EPHB4: variants seen among roughly 807,000 people sequenced by gnomAD.
EPHB4 encodes EPH receptor B4.
In EPHB4, 50 loss-of-function variants were observed where a neutral mutation model predicts 110.6. The ratio of observed to expected loss-of-function variants is 0.45; its 90% CI spans 0.36 to 0.57. The LOEUF (loss-of-function observed/expected upper bound fraction) is 0.57, where lower values mean the gene tolerates loss of function less well. Ranked by LOEUF, EPHB4 falls within the 20% of genes least tolerant of loss-of-function variation. EPHB4 has a pLI of 0.00. For missense variants in EPHB4, 1,128 were observed against 1,382.1 expected (o/e 0.82, Z 2.91); for synonymous variants, 592 against 578.4 (o/e 1.02, Z -0.34).
At chr7:100,818,449 CA>C in intron 7 of EPHB4, 70 bp downstream of exon 7, 4 of 1,573,540 alleles carry the variant, frequency 2.5e-6, no homozygotes, top group Non-Finnish European at 3.5e-6. Flanking sequence ...CAGGTGCCTG[CA>C]ACCCAGGTGT....
At chr7:100,808,095 G>C (rs1305034670) in intron 12 of EPHB4, among the ~76,000 whole-genome samples, 1 of 152,168 alleles carries the variant, frequency 6.6e-6, no homozygotes, top group East Asian at 1.9e-4. Context: ...AATGGTTCCT[G>C]CTTCAATGGT....
At position 100,822,696 on chromosome 7, in the gene EPHB4, C is replaced by G. The variant is rs1409926902; in HGVS notation, c.412-29G>C. The G allele has an allele frequency of 6.6e-7, 1 of 1,510,528 alleles. No homozygotes were observed. The highest frequency in any genetic ancestry group is 1.3e-5 in the South Asian group (1 of 77,670). The allele number at this position is 1,510,528 out of a possible 1,614,324, so 93.6% of individuals were successfully genotyped here. A position where few individuals can be genotyped will look rare whatever the true frequency, so the allele number is the denominator to read the frequency against. On this transcript the variant is annotated intron_variant, in intron 3 of 16. Coordinates refer to ENST00000358173, the MANE Select transcript of EPHB4 (RefSeq NM_004444.5). This position sits in a 1 kb window ranked among gnomAD's most constrained non-coding sequence, Gnocchi z 4.7. ...CCGGCGGGGGGGAGGCACACCGCTG[C>G]TGTCCCCACTCCCTGAGGACCCAGC...
At chr7:100,820,006 T>C in intron 5 of EPHB4, 117 bp from the exon 6 acceptor site, 2 of 1,478,806 alleles carry the variant, frequency 1.4e-6, no homozygotes, top group Non-Finnish European at 1.8e-6. Flanking sequence ...GGGCTCCACA[T>C]GTTCCTCCGG....
Position 100,822,223 on chromosome 7 carries a change from ACTCTCCCCCGGAT to A in EPHB4, c.808+35_808+47del. 6.6e-7 allele frequency: 1 copy of A among 1,526,188 alleles called. No individual in the cohort carries two copies. Among genetic ancestry groups the A allele is most frequent in the East Asian group, 2.5e-5 (1 of 40,688 alleles). 94.5% of individuals were successfully genotyped at this position (1,526,188 alleles called of 1,614,324 possible). A position where few individuals can be genotyped will look rare whatever the true frequency, so the allele number is the denominator to read the frequency against. ...AAGTGGGTCCTGAGTGGAGTTCAGG[ACTCTCCCCCGGAT>A]GAGCAGCAGTCGCAGGGGAAGCTCC... On this transcript the variant is annotated intron_variant, in intron 4 of 16. Coordinates refer to ENST00000358173, the MANE Select transcript of EPHB4 (RefSeq NM_004444.5). This position sits in a 1 kb window ranked among gnomAD's most constrained non-coding sequence, Gnocchi z 4.7.
At chr7:100,811,863 C>CT (rs898791142) in intron 12 of EPHB4, among the ~76,000 whole-genome samples, 1 of 148,562 alleles carries the variant, frequency 6.7e-6, no homozygotes, top group African/African-American at 2.5e-5. Context: ...GAGTGAGACT[C>CT]TGTCTTAAAA....
At chr7:100,809,213 T>A (rs1407504956) in intron 12 of EPHB4, among the ~76,000 whole-genome samples, 5 of 152,118 alleles carry the variant, frequency 3.3e-5, no homozygotes, top group Non-Finnish European at 7.4e-5. Context: ...TTCAAGCGAT[T>A]CTCCTGTCTT....
At position 100,813,306 on chromosome 7, in the gene EPHB4, G is replaced by GTTTT. The variant is rs750195537; in HGVS notation, c.1757-102_1757-99dup. 5.7e-3 allele frequency: 2,171 copies of GTTTT among 383,792 alleles called. 1 individual carries two copies. The highest frequency in any genetic ancestry group is 0.026 in the East Asian group (449 of 17,196). The allele number at this position is 383,792 out of a possible 1,614,324, so 23.8% of individuals were successfully genotyped here. ...TTAGCCCCAAACCCCTGTCTCCGTG[G>GTTTT]TTTTTTTTTTTTTTTTTTTTTTTCC... On this transcript the variant is annotated intron_variant, in intron 10 of 16. Transcript: ENST00000358173.
At chr7:100,805,804 C>A (rs1443365076) in intron 14 of EPHB4, 110 bp from the exon 15 acceptor site, 5 of 1,107,424 alleles carry the variant, frequency 4.5e-6, no homozygotes, top group East Asian at 2.9e-5. Flanking sequence ...CCACAGCCCC[C>A]CAAAAAATAA....
chr7:100,803,586 G>T lies in EPHB4; in HGVS notation c.2839C>A (p.Leu947Met), dbSNP rs758969373. 6.2e-7 allele frequency: 1 copy of T among 1,602,102 alleles called. No individual in the cohort carries two copies. The highest frequency in any genetic ancestry group is 1.7e-5 in the Admixed American group (1 of 59,250). Residue 947 changes from leucine to methionine, a missense_variant, in exon 17 of 17, where the codon CTG becomes ATG. Physicochemically the swap from Leu to Met is conservative, Grantham distance 15. This residue lies in a region of EPHB4 where 209 missense variants were observed against 240.5 expected (regional missense o/e 0.87). Coordinates refer to ENST00000358173, the MANE Select transcript of EPHB4 (RefSeq NM_004444.5). ...GCCAGAGTGACTCCGATTCGGAGCA[G>T]GTCCCTGCAGAAGGAAAGGAGAGCT... Reference protein sequence around the residue: ...ELVSQISAEDLLRIGVTLAGH... With the variant: ...ELVSQISAEDMLRIGVTLAGH...
Position 100,812,910 on chromosome 7 carries a change from C to T in EPHB4, c.1955G>A (p.Gly652Asp). ...SCVAIKTLKG[G>D]YTERQRREFL... ...CTCACGCCGCTGCCGCTCCGTGTAG[C>T]CACCCTTCAGGGTCTTGATTGCCAC... Residue 652 changes from glycine to aspartate, a missense_variant, in exon 12 of 17, where the codon GGC becomes GAC. Gly to Asp is a moderately conservative substitution (Grantham distance 94). Transcript: ENST00000358173. 1.2e-6 allele frequency: 2 copies of T among 1,614,254 alleles called. 1 individual carries two copies. The highest frequency in any genetic ancestry group is 2.2e-5 in the South Asian group (2 of 91,086).
intron 7 of EPHB4, among the ~76,000 whole-genome samples, chr7:100,818,021 C>T (rs183231426): frequency 0.017 from 2,534 of 151,780 alleles, 63 homozygotes; most frequent in African/African-American, 0.059. Context: ...CGCCTGCCAC[C>T]GCGCCTGGCT....
intron 1 of EPHB4, 112 bp downstream of exon 1, chr7:100,826,866 TG>T: frequency 8.3e-7 from 1 of 1,208,606 alleles, no homozygotes; most frequent in Non-Finnish European, 1.1e-6. Flanking sequence ...TGTTTGGGAC[TG>T]CAGTGCCCGG....
At chr7:100,817,429 C>T (rs1005332541) in intron 7 of EPHB4, 72 bp from the exon 8 acceptor site, 2 of 1,465,496 alleles carry the variant, frequency 1.4e-6, no homozygotes, top group African/African-American at 1.5e-5. Context: ...TGCCTCCTTC[C>T]CTCGCCCTCC....
intron 1 of EPHB4, among the ~76,000 whole-genome samples, chr7:100,826,565 C>T (rs1278203064): frequency 6.6e-6 from 1 of 152,016 alleles, no homozygotes; most frequent in African/African-American, 2.4e-5. Flanking sequence ...GGGCCTAGCA[C>T]GAAAAGTTGT....
intron 7 of EPHB4, among the ~76,000 whole-genome samples, 188 bp downstream of exon 7, chr7:100,818,332 T>C (rs1448939323): frequency 1.3e-5 from 2 of 152,172 alleles, no homozygotes; most frequent in African/African-American, 4.8e-5. Context: ...CTGGTAACTA[T>C]TACAGTAACT....
chr7:100,814,239 AG>A (rs1813013901), intron 8 of EPHB4, among the ~76,000 whole-genome samples: 1 of 152,234 alleles, frequency 6.6e-6, no homozygotes, highest in Non-Finnish European at 1.5e-5. Flanking sequence ...CCTCAGGGCA[AG>A]GGAGGAAGTT....
rs1293398685 is a variant in EPHB4, at chr7:100,826,915, C to A, written c.52+64G>T. ...AGAGGCCGGCCCCTCCACTCCGAGGCCCAGATGTTGGGGGGGAGGTCCCAG... is the reference window on the plus strand; with the variant it reads ...AGAGGCCGGCCCCTCCACTCCGAGGACCAGATGTTGGGGGGGAGGTCCCAG... On this transcript the variant is annotated intron_variant, in intron 1 of 16. Transcript: ENST00000358173. 7.8e-6 allele frequency: 12 copies of A among 1,528,858 alleles called. No individual in the cohort carries two copies. The African/African-American group carries it at 1.7e-4, about 21-fold the overall frequency. The allele number at this position is 1,528,858 out of a possible 1,614,324, so 94.7% of individuals were successfully genotyped here.
At chr7:100,809,342 A>C (rs1299069810) in intron 12 of EPHB4, among the ~76,000 whole-genome samples, 1 of 152,012 alleles carries the variant, frequency 6.6e-6, no homozygotes, top group Non-Finnish European at 1.5e-5. Context: ...CCTGACCTCA[A>C]GTGATCCACC....
chr7:100,812,729 G>A lies in EPHB4; in HGVS notation c.2118+18C>T, dbSNP rs1398757406. On this transcript the variant is annotated intron_variant, in intron 12 of 16. Coordinates refer to ENST00000358173, the MANE Select transcript of EPHB4 (RefSeq NM_004444.5). Reference sequence around the variant, plus strand: ...GTGGGAACTCCGGGTGGCCGCAGAAGCCAGGGAGGGTGCTCACCCGCAGGA... The same window carrying A: ...GTGGGAACTCCGGGTGGCCGCAGAAACCAGGGAGGGTGCTCACCCGCAGGA... 2.5e-6 allele frequency: 4 copies of A among 1,607,416 alleles called. No individual in the cohort carries two copies.
Sources: gnomAD v4.1 joint callset for allele counts (sites outside exome capture counted in the v4.1 genomes callset) on GRCh38, gnomAD v4.1.1 for gene constraint, gnomAD v4.1.1 regional missense constraint, Gnocchi (gnomAD v3.1) non-coding constraint, MANE v1.5 for transcripts, NCBI Gene and HGNC (gene_info 2026-07-23, HGNC 2026-07-21) for gene names.